Variants in DNAH8 observed in about 807,000 individuals in gnomAD.
DNAH8 encodes the protein dynein axonemal heavy chain 8, also known as axonemal beta dynein heavy chain 8.
DNAH8 carries 382 observed loss-of-function variants against 562.1 expected under a neutral mutation model. The observed-to-expected ratio is 0.68, with a 90% confidence interval of 0.63 to 0.74. The LOEUF (loss-of-function observed/expected upper bound fraction) is 0.74, where lower values mean the gene tolerates loss of function less well. Ranked by LOEUF, DNAH8 falls within the 30% of genes least tolerant of loss-of-function variation. The probability of loss-of-function intolerance (pLI) is 0.00; values close to 1 mark genes in which losing one functional copy is unlikely to be tolerated. For synonymous variants in DNAH8, 1,881 were observed against 1,919.4 expected, an observed-to-expected ratio of 0.98 and a Z score of 0.52; for missense variants, 5,203 against 5,620.4, an observed-to-expected ratio of 0.93 and a Z score of 2.37.
At chr6:38,905,893 T>A (rs1050141867) in intron 62 of DNAH8, among the ~76,000 whole-genome samples, 2 of 152,132 alleles carry the variant, frequency 1.3e-5, no homozygotes, top group Non-Finnish European at 2.9e-5. Flanking sequence ...TGGTTTTTTT[T>A]GTTGTTGTTG....
chr6:38,880,135 T>C (rs1467859605), intron 53 of DNAH8, among the ~76,000 whole-genome samples: 1 of 152,046 alleles, frequency 6.6e-6, no homozygotes, highest in Non-Finnish European at 1.5e-5. Flanking sequence ...TAAGCACAGC[T>C]ACTCAGGAGG....
chr6:38,968,424 C>T (rs1318319941), intron 82 of DNAH8, among the ~76,000 whole-genome samples: 4 of 152,012 alleles, frequency 2.6e-5, no homozygotes, highest in Non-Finnish European at 5.9e-5. Flanking sequence ...ATAAAGACCT[C>T]TTACAACTCA....
intron 88 of DNAH8, among the ~76,000 whole-genome samples, chr6:39,000,550 A>G (rs1012427852): frequency 3.9e-5 from 6 of 152,182 alleles, no homozygotes; most frequent in East Asian, 1.9e-4. Flanking sequence ...TGAACTGCGC[A>G]TGCCAGGGAC....
At chr6:38,808,658 A>G (rs888298776) in intron 24 of DNAH8, among the ~76,000 whole-genome samples, 4 of 152,204 alleles carry the variant, frequency 2.6e-5, no homozygotes, top group Non-Finnish European at 4.4e-5. Flanking sequence ...TACTGTGGCA[A>G]TGTTCACAAT....
rs1554195321 is a variant in DNAH8 at position 38,734,327 on chromosome 6, C to CA, written c.611-147_611-146insA. The CA allele has an allele frequency of 3.2e-4, 52 of 162,690 alleles. 1 individual carries two copies. Among genetic ancestry groups the CA allele is most frequent in the African/African-American group, 1.4e-3 (8 of 5,528 alleles). 10.1% of individuals were successfully genotyped at this position (162,690 alleles called of 1,614,324 possible). Reference sequence around the variant, plus strand: ...GTAATTATTGGCATCTTCTAGTAGACCCCCCCCCAAAAAAATTATTCTATG... The same window carrying CA: ...GTAATTATTGGCATCTTCTAGTAGACACCCCCCCCAAAAAAATTATTCTATG... On this transcript the variant is annotated intron_variant, in intron 4 of 92. Coordinates refer to ENST00000327475, the MANE Select transcript of DNAH8 (RefSeq NM_001206927.2).
intron 12 of DNAH8, among the ~76,000 whole-genome samples, chr6:38,772,350 C>T (rs1767661174): frequency 6.6e-6 from 1 of 152,004 alleles, no homozygotes; most frequent in Non-Finnish European, 1.5e-5. Context: ...TTCTTCATAT[C>T]CTTGCCAACA....
intron 9 of DNAH8, among the ~76,000 whole-genome samples, chr6:38,752,266 C>T (rs1336848908): frequency 1.3e-5 from 2 of 151,296 alleles, no homozygotes; most frequent in East Asian, 3.9e-4. Context: ...CGGGTTCAAG[C>T]AATTCTCCTG....
intron 87 of DNAH8, among the ~76,000 whole-genome samples, chr6:38,988,493 G>A (rs540111772): frequency 2.4e-4 from 37 of 152,276 alleles, no homozygotes; most frequent in Non-Finnish European, 4.3e-4. Context: ...CATCCACGTC[G>A]TGAAAAATCT....
chr6:38,989,887 G>A (rs1448414517), intron 87 of DNAH8, 125 bp from the exon 88 acceptor site: 1 of 600,330 alleles, frequency 1.7e-6, no homozygotes, highest in Non-Finnish European at 2.9e-6. Flanking sequence ...TATTGTTAAA[G>A]CATTCTCAAA....
chr6:39,001,835 C>T (rs1765505280), intron 88 of DNAH8, among the ~76,000 whole-genome samples: 1 of 152,114 alleles, frequency 6.6e-6, no homozygotes, highest in Non-Finnish European at 1.5e-5. Flanking sequence ...GAGGTGATGG[C>T]AGTGCCGCAC....
chr6:39,004,350 A>C (rs62398583), intron 88 of DNAH8, among the ~76,000 whole-genome samples: 71 of 152,160 alleles, frequency 4.7e-4, no homozygotes, highest in Non-Finnish European at 8.5e-4. Context: ...ACATACAATG[A>C]TTGTTTTATA....
At chr6:38,757,005 G>T (rs894470192) in intron 10 of DNAH8, among the ~76,000 whole-genome samples, 4 of 152,136 alleles carry the variant, frequency 2.6e-5, no homozygotes, top group African/African-American at 9.7e-5. Context: ...CTTTATAGCA[G>T]CATGATTTAT....
chr6:38,730,072 C>T (rs1763545216), intron 4 of DNAH8, 86 bp downstream of exon 4: 2 of 633,082 alleles, frequency 3.2e-6, no homozygotes, highest in African/African-American at 1.9e-5. Context: ...CATAGATAAT[C>T]CTTTATTTAT....
intron 11 of DNAH8, among the ~76,000 whole-genome samples, chr6:38,767,431 C>G (rs1767119096): frequency 8.9e-6 from 1 of 112,412 alleles, no homozygotes; most frequent in Non-Finnish European, 1.9e-5. Context: ...GAACAAAACT[C>G]CATCTCAGGA....
At chr6:39,026,815 C>A in intron 92 of DNAH8, 148 bp downstream of exon 92, 1 of 734,378 alleles carries the variant, frequency 1.4e-6, no homozygotes, top group Non-Finnish European at 2.2e-6. Flanking sequence ...GACATCAGTG[C>A]CAAAGCCTCC....
At chr6:38,836,542 G>T (rs1178462952) in intron 32 of DNAH8, among the ~76,000 whole-genome samples, 1 of 151,118 alleles carries the variant, frequency 6.6e-6, no homozygotes, top group Non-Finnish European at 1.5e-5. Context: ...GGCAATGTAG[G>T]GCACATCTTT....
chr6:38,859,044 C>G (rs1457863666), intron 42 of DNAH8, among the ~76,000 whole-genome samples: 2 of 152,186 alleles, frequency 1.3e-5, no homozygotes, highest in Admixed American at 6.5e-5. Flanking sequence ...ATCTTAATCA[C>G]CATTGAACTG....
Position 38,921,455 on chromosome 6 carries a change from T to G in DNAH8, c.10611T>G (p.Ala3537=). 1 of 1,613,742 alleles carries G rather than the reference T, an allele frequency of 6.2e-7. No homozygotes were observed. Among genetic ancestry groups the G allele is most frequent in the Non-Finnish European group, 8.5e-7 (1 of 1,179,838 alleles). Reference sequence around the variant, plus strand: ...AAGCCCTGCTGGATGAGAAGCAAGCTGAGCTGGATAAAGTACAGGCAAAAT... The same window carrying G: ...AAGCCCTGCTGGATGAGAAGCAAGCGGAGCTGGATAAAGTACAGGCAAAAT... ...KAQALLDEKQ[A]ELDKVQAKFD... The change falls in exon 71 of 93, where the codon GCT becomes GCG. Residue 3537 remains alanine (A), a synonymous_variant. Transcript: ENST00000327475.
intron 88 of DNAH8, among the ~76,000 whole-genome samples, chr6:38,996,491 T>A (rs911125347): frequency 2.0e-5 from 3 of 152,066 alleles, no homozygotes; most frequent in Admixed American, 6.5e-5. Context: ...TCCATCTACT[T>A]CTCCTCCATC....
Sources: allele counts gnomAD v4.1 joint callset (sites outside exome capture counted in the v4.1 genomes callset), GRCh38; gene constraint gnomAD v4.1.1; transcripts MANE v1.5; gene names NCBI Gene and HGNC (gene_info 2026-07-23, HGNC 2026-07-21).